The following RRP1B variants were observed in gnomAD, a reference collection of about 807,000 sequenced individuals.
The protein encoded by RRP1B is ribosomal RNA processing 1B, also known as ribosomal RNA processing protein 1 homolog B.
Under a neutral mutation model 80.2 loss-of-function variants are expected in RRP1B, and 56 were observed. That is an observed-to-expected ratio of 0.70 (90% CI 0.56 to 0.87). The LOEUF is 0.87. RRP1B is among the 40% of genes least tolerant of loss of function. RRP1B has a pLI of 0.00. For missense variants in RRP1B, 807 were observed against 939.8 expected (o/e 0.86, Z 1.85); for synonymous variants, 351 against 357.6 (o/e 0.98, Z 0.21).
intron 6 of RRP1B, among the ~76,000 whole-genome samples, chr21:43,675,843 C>CATTTTATTTT (rs374076927): frequency 0.03 from 4,342 of 142,914 alleles, 97 homozygotes; most frequent in African/African-American, 0.045. Flanking sequence ...GGGTATTTTG[C>CATTTTATTTT]ATTTTATTTT....
chr21:43,662,113 G>A (rs2082960096), intron 1 of RRP1B, among the ~76,000 whole-genome samples: 1 of 152,206 alleles, frequency 6.6e-6, no homozygotes, highest in Admixed American at 6.5e-5. Flanking sequence ...AAAGGTCTTG[G>A]CCTGTACAAG....
rs549621272 is a variant in RRP1B, at chr21:43,659,757, G to A, written c.93G>A (p.Leu31=). 67 of 1,524,396 alleles carry A rather than the reference G, an allele frequency of 4.4e-5. 1 individual carries two copies. The South Asian group carries it at 7.4e-4, about 17-fold the overall frequency. The allele number at this position is 1,524,396 out of a possible 1,614,324, so 94.4% of individuals were successfully genotyped here. A position where few individuals can be genotyped will look rare whatever the true frequency, so the allele number is the denominator to read the frequency against. The change falls in exon 1 of 16, where the codon CTG becomes CTA. Residue 31 remains leucine (L), a synonymous_variant. Coordinates refer to ENST00000340648, the MANE Select transcript of RRP1B (RefSeq NM_015056.3). The surrounding 1 kb of genome is among the most constrained non-coding windows in gnomAD (Gnocchi z 4.2). ...TCCGGGACCGAGCGGTGAAGAAGCT[G>A]CGCCAGTACATCAGCGTGAAGACGC... ...KGIRDRAVKK[L]RQYISVKTQR... is the part of the protein sequence containing the mutation.
intron 1 of RRP1B, among the ~76,000 whole-genome samples, chr21:43,665,212 C>A (rs536557960): frequency 6.6e-6 from 1 of 152,226 alleles, no homozygotes; most frequent in Non-Finnish European, 1.5e-5. Flanking sequence ...ACAAAACCAT[C>A]TGGAAATAAA....
At position 43,687,861 on chromosome 21, in the gene RRP1B, A is replaced by AC; in HGVS notation, c.1488dup (p.Met497HisfsTer15). ...GAATCAGCAGTGTTGCCCCCAGAGG[A>AC]CATGTCTCAGAGTGGCCCGAGTGGC... On this transcript the variant is annotated frameshift_variant, in exon 13 of 16. Transcript: ENST00000340648. LOFTEE classifies it high-confidence loss of function. The AC allele has an allele frequency of 6.2e-7, 1 of 1,613,330 alleles. No homozygotes were observed. The highest frequency in any genetic ancestry group is 8.5e-7 in the Non-Finnish European group (1 of 1,180,036).
chr21:43,670,015 A>T (rs1308350011), intron 2 of RRP1B, 49 bp downstream of exon 2: 3 of 1,369,694 alleles, frequency 2.2e-6, no homozygotes, highest in African/African-American at 2.9e-5. Flanking sequence ...CTGTGGATGG[A>T]TAAGAGACTT....
intron 13 of RRP1B, 60 bp from the exon 14 acceptor site, chr21:43,690,228 G>C: frequency 6.4e-7 from 1 of 1,573,492 alleles, no homozygotes; most frequent in Non-Finnish European, 8.7e-7. Flanking sequence ...GTGTGTGTGG[G>C]CAGCACAGGA....
chr21:43,689,418 G>A (rs1425893927), intron 13 of RRP1B, among the ~76,000 whole-genome samples: 1 of 152,188 alleles, frequency 6.6e-6, no homozygotes, highest in African/African-American at 2.4e-5. Flanking sequence ...TGAGTTTATG[G>A]TCAGGAAAGC....
intron 13 of RRP1B, among the ~76,000 whole-genome samples, chr21:43,688,631 A>C (rs1481374585): frequency 6.6e-6 from 1 of 152,232 alleles, no homozygotes; most frequent in African/African-American, 2.4e-5. Flanking sequence ...GAGGAAGCCC[A>C]AAATTCTCTT....
intron 1 of RRP1B, among the ~76,000 whole-genome samples, chr21:43,665,649 C>T (rs529283179): frequency 1.3e-5 from 2 of 152,096 alleles, no homozygotes; most frequent in African/African-American, 2.4e-5. Flanking sequence ...TGGGTTCCAG[C>T]GGAACCCTTG....
At chr21:43,676,949 T>G in intron 8 of RRP1B, 35 bp downstream of exon 8, 1 of 1,592,898 alleles carries the variant, frequency 6.3e-7, no homozygotes, top group Non-Finnish European at 8.6e-7. Flanking sequence ...TAGCTTTCTT[T>G]CTGCTAAAAT....
chr21:43,660,841 AGT>A (rs1463068226), intron 1 of RRP1B, among the ~76,000 whole-genome samples: 1 of 152,190 alleles, frequency 6.6e-6, no homozygotes, highest in Non-Finnish European at 1.5e-5. Context: ...AGGGCTTTGT[AGT>A]TTAGATTTTA....
intron 1 of RRP1B, among the ~76,000 whole-genome samples, chr21:43,665,880 G>A (rs143210801): frequency 5.1e-4 from 77 of 152,322 alleles, no homozygotes; most frequent in Non-Finnish European, 7.5e-4. Flanking sequence ...CTTAGCGTCA[G>A]GTGTTCCTTT....
intron 3 of RRP1B, 94 bp downstream of exon 3, chr21:43,672,459 C>T: frequency 1.9e-6 from 2 of 1,031,352 alleles, no homozygotes; most frequent in African/African-American, 1.6e-5. Flanking sequence ...TGTCAGGGGA[C>T]AAGCCATTCC....
At chr21:43,673,634 C>CA (rs557525643) in intron 3 of RRP1B, among the ~76,000 whole-genome samples, 3,355 of 65,394 alleles carry the variant, frequency 0.051, 114 homozygotes, top group African/African-American at 0.099. Context: ...ACCCCGTCTC[C>CA]AAAAAAAAAA....
Position 43,688,026 on chromosome 21 carries a change from C to G in RRP1B, c.1652C>G (p.Pro551Arg), listed in dbSNP as rs760107244. 10 of 1,612,072 alleles carry G rather than the reference C, an allele frequency of 6.2e-6. No individual in the cohort carries two copies. In the Admixed American group the frequency reaches 1.2e-4, roughly 19 times the overall value. ...AWPPLQQEGP[P>R]TGPAEGANSH... ...CCTCCATTGCAGCAGGAAGGCCCTC[C>G]CACAGGCCCCGCAGAGGGGGCGAAC... The change falls in exon 13 of 16, where the codon CCC (proline) becomes CGC (arginine). Residue 551 changes from proline (P) to arginine (R), a missense_variant. Pro to Arg is a moderately radical substitution (Grantham distance 103). Transcript: ENST00000340648.
chr21:43,670,347 G>A lies in RRP1B; in HGVS notation c.213+381G>A, dbSNP rs149163268. On this transcript the variant is annotated intron_variant, in intron 2 of 15. Transcript: ENST00000340648. The stretch of plus-strand genomic sequence containing the variant: ...GTGAAACCCAGGAGAGGGCAGCCGC[G>A]TCACTGGGCTTCGGGTTCCATGGAG... Among the ~76,000 whole-genome samples the A allele has an allele frequency of 7.4e-4, 112 of 152,338 alleles. 1 individual carries two copies. Among genetic ancestry groups the A allele is most frequent in the African/African-American group, 2.5e-3 (102 of 41,580 alleles).
At chr21:43,688,884 G>C (rs762847667) in intron 13 of RRP1B, among the ~76,000 whole-genome samples, 3 of 152,178 alleles carry the variant, frequency 2.0e-5, no homozygotes, top group Admixed American at 6.5e-5. Context: ...CCACCTCCCA[G>C]GTTCAAGCGA....
chr21:43,662,688 C>T (rs1020927786), intron 1 of RRP1B, among the ~76,000 whole-genome samples: 1 of 152,208 alleles, frequency 6.6e-6, no homozygotes, highest in African/African-American at 2.4e-5. Context: ...GTTGGGTGCT[C>T]ACAGTCATAA....
intron 12 of RRP1B, 36 bp downstream of exon 12, chr21:43,686,971 G>GC: frequency 6.2e-7 from 1 of 1,606,180 alleles, no homozygotes; most frequent in South Asian, 1.1e-5. Context: ...GCACGACTCA[G>GC]CCCTTGGGGA....
Sources: allele counts gnomAD v4.1 joint callset (sites outside exome capture counted in the v4.1 genomes callset), GRCh38; gene constraint gnomAD v4.1.1; non-coding constraint Gnocchi (gnomAD v3.1); transcripts MANE v1.5; gene names NCBI Gene and HGNC (gene_info 2026-07-23, HGNC 2026-07-21).